Variants in TGFBR3 observed in about 807,000 individuals in gnomAD.
TGFBR3 encodes the protein transforming growth factor beta receptor type 3.
In TGFBR3, 46 loss-of-function variants were observed where a neutral mutation model predicts 87.9. The observed-to-expected ratio is 0.52, with a 90% CI of 0.41 to 0.67. The LOEUF is 0.67. Ranked by LOEUF, TGFBR3 falls within the 30% of genes least tolerant of loss-of-function variation. The pLI, the probability that TGFBR3 is intolerant of heterozygous loss-of-function variation, is 0.00. For synonymous variants in TGFBR3, 381 were observed against 391.6 expected, an observed-to-expected ratio of 0.97 and a Z score of 0.32; for missense variants, 866 against 1,041.9, an observed-to-expected ratio of 0.83 and a Z score of 2.32.
chr1:91,728,333 T>C (rs1672620025), intron 6 of TGFBR3, among the ~76,000 whole-genome samples: 1 of 152,218 alleles, frequency 6.6e-6, no homozygotes, highest in Non-Finnish European at 1.5e-5. Context: ...TCTTGATTTA[T>C]ATAAGGTTTG....
At chr1:91,870,492 G>A (rs1367417446) in intron 1 of TGFBR3, among the ~76,000 whole-genome samples, 1 of 152,200 alleles carries the variant, frequency 6.6e-6, no homozygotes, top group Admixed American at 6.5e-5. Context: ...ATGCTGCTTT[G>A]TAATTATTCT....
In TGFBR3 at chr1:91,682,082, A is replaced by G. The variant is rs2100675656; in HGVS notation, c.*1657T>C. The G allele has an allele frequency of 2.2e-6, 1 of 454,020 alleles. No homozygotes were observed. Among genetic ancestry groups the G allele is most frequent in the East Asian group, 7.0e-5 (1 of 14,388 alleles). 28.1% of individuals were successfully genotyped at this position (454,020 alleles called of 1,614,324 possible). ...TGTTCCTTATTGAATGTGTATATCTATCAGGTAAGTCATATTATTACTCAA... is the reference window on the plus strand; with the variant it reads ...TGTTCCTTATTGAATGTGTATATCTGTCAGGTAAGTCATATTATTACTCAA... On this transcript the variant is annotated 3_prime_UTR_variant, in exon 17 of 17. Coordinates refer to ENST00000212355, the MANE Select transcript of TGFBR3 (RefSeq NM_003243.5).
intron 3 of TGFBR3, among the ~76,000 whole-genome samples, chr1:91,787,135 T>C (rs1287451204): frequency 6.6e-6 from 1 of 152,002 alleles, no homozygotes; most frequent in Non-Finnish European, 1.5e-5. Flanking sequence ...ACTCCGTCTC[T>C]ACTAAAAATA....
chr1:91,901,935 A>G (rs1384914165), intron 1 of TGFBR3, among the ~76,000 whole-genome samples: 1 of 121,114 alleles, frequency 8.3e-6, no homozygotes, highest in Non-Finnish European at 1.8e-5. Context: ...CCCCCACCCC[A>G]CCAAAAGAAA....
intron 2 of TGFBR3, among the ~76,000 whole-genome samples, chr1:91,812,611 G>C (rs950196553): frequency 2.0e-5 from 3 of 152,008 alleles, no homozygotes; most frequent in Non-Finnish European, 2.9e-5. Flanking sequence ...GTGCTTTATA[G>C]TTTTTTCGGT....
At chr1:91,729,408 T>C (rs1672682372) in intron 6 of TGFBR3, among the ~76,000 whole-genome samples, 3 of 152,148 alleles carry the variant, frequency 2.0e-5, no homozygotes, top group African/African-American at 4.8e-5. Flanking sequence ...ATGATAATTA[T>C]ATTAATAGGG....
rs1164341727 is a variant in TGFBR3 at position 91,716,344 on chromosome 1, C to T, written c.1758G>A (p.Gln586=). The T allele has an allele frequency of 2.5e-6, 4 of 1,614,180 alleles. No homozygotes were observed. Among genetic ancestry groups the T allele is most frequent in the East Asian group, 4.5e-5 (2 of 44,876 alleles). The change falls in exon 12 of 17, where the codon CAG becomes CAA. Residue 586 remains glutamine, a synonymous_variant. Coordinates refer to ENST00000212355, the MANE Select transcript of TGFBR3 (RefSeq NM_003243.5). ...QVRNPSSFQE[Q]PHGNITFNME... is the part of the protein sequence containing the mutation. The stretch of plus-strand genomic sequence containing the variant: ...TGTTGAAGGTGATGTTTCCGTGGGG[C>T]TGTTCCTGGAAGCTGCTGGGGTTCC...
At chr1:91,701,868 C>T (rs1179589114) in intron 14 of TGFBR3, among the ~76,000 whole-genome samples, 2 of 152,162 alleles carry the variant, frequency 1.3e-5, no homozygotes, top group Non-Finnish European at 2.9e-5. Context: ...AGAGTTTTTA[C>T]TAACTTAACG....
At chr1:91,778,533 T>C (rs973406823) in intron 3 of TGFBR3, among the ~76,000 whole-genome samples, 5 of 152,212 alleles carry the variant, frequency 3.3e-5, no homozygotes, top group East Asian at 1.9e-4. Flanking sequence ...CATTACTTTA[T>C]GCCCAAGCCA....
At position 91,793,194 on chromosome 1, in the gene TGFBR3, C is replaced by T. The variant is rs113350169; in HGVS notation, c.246+4093G>A. 2.3e-3 allele frequency among the ~76,000 whole-genome samples: 348 copies of T among 150,278 alleles called. 2 individuals carry two copies. The highest frequency in any genetic ancestry group is 7.8e-3 in the African/African-American group (320 of 40,810). On this transcript the variant is annotated intron_variant, in intron 3 of 16. Transcript: ENST00000212355. The stretch of plus-strand genomic sequence containing the variant: ...TACTTTTGGGTGTAGGCTCTGTCAC[C>T]GCCTCTACACAGGAAAATTAAAAAT...
intron 16 of TGFBR3, among the ~76,000 whole-genome samples, chr1:91,688,163 A>G (rs1407204821): frequency 6.6e-6 from 1 of 152,184 alleles, no homozygotes; most frequent in African/African-American, 2.4e-5. Context: ...GGAAAAGACT[A>G]TATCAAGAAT....
intron 9 of TGFBR3, 128 bp downstream of exon 9, chr1:91,719,765 A>G: frequency 9.2e-7 from 1 of 1,090,318 alleles, no homozygotes; most frequent in South Asian, 1.3e-5. Context: ...GGCCCATCCA[A>G]CTGAGAAAAC....
chr1:91,735,190 T>C (rs1672921681), intron 4 of TGFBR3, among the ~76,000 whole-genome samples: 1 of 152,222 alleles, frequency 6.6e-6, no homozygotes, highest in Non-Finnish European at 1.5e-5. Flanking sequence ...TGAAAGAACC[T>C]TGTGAGGACG....
chr1:91,850,080 CAAAAAAAAA>C (rs376631972), intron 2 of TGFBR3, among the ~76,000 whole-genome samples: 12 of 52,162 alleles, frequency 2.3e-4, no homozygotes, highest in African/African-American at 7.3e-4. Context: ...GACTCCATCT[CAAAAAAAAA>C]AAAAAAAAAA....
At chr1:91,805,747 C>T (rs1156614164) in intron 2 of TGFBR3, among the ~76,000 whole-genome samples, 3 of 152,248 alleles carry the variant, frequency 2.0e-5, no homozygotes, top group Admixed American at 6.5e-5. Flanking sequence ...ATGGTTACCA[C>T]ACCACTAGGG....
chr1:91,895,982 C>T (rs140898032), intron 2 of TGFBR3, among the ~76,000 whole-genome samples: 1 of 152,288 alleles, frequency 6.6e-6, no homozygotes, highest in East Asian at 1.9e-4. Context: ...ATTGCTGCTA[C>T]AACCCTGGTC....
chr1:91,707,923 T>C (rs1173599192), intron 14 of TGFBR3, among the ~76,000 whole-genome samples: 1 of 152,182 alleles, frequency 6.6e-6, no homozygotes, highest in Non-Finnish European at 1.5e-5. Context: ...CAGGGCCTCA[T>C]ATCCACTCCT....
chr1:91,760,454 C>G (rs923345608), intron 3 of TGFBR3, among the ~76,000 whole-genome samples: 1 of 151,940 alleles, frequency 6.6e-6, no homozygotes, highest in South Asian at 2.1e-4. Context: ...AACATAGACA[C>G]GATAATACAC....
intron 2 of TGFBR3, among the ~76,000 whole-genome samples, chr1:91,804,059 G>T (rs1244754707): frequency 1.3e-5 from 2 of 152,152 alleles, no homozygotes; most frequent in African/African-American, 4.8e-5. Flanking sequence ...GAGAAATGGG[G>T]AAGAACCATG....
Sources: allele counts gnomAD v4.1 joint callset (sites outside exome capture counted in the v4.1 genomes callset), GRCh38; gene constraint gnomAD v4.1.1; transcripts MANE v1.5; gene names NCBI Gene and HGNC (gene_info 2026-07-23, HGNC 2026-07-21).